The following CNTNAP5 variants were observed in gnomAD, a reference collection of about 807,000 sequenced individuals.
CNTNAP5 encodes the protein contactin-associated protein-like 5.
CNTNAP5 carries 72 observed loss-of-function variants against 150.2 expected under a neutral mutation model. The observed-to-expected ratio is 0.48, with a 90% confidence interval of 0.40 to 0.58. The LOEUF (loss-of-function observed/expected upper bound fraction) is 0.58. Among genes scored for constraint, CNTNAP5 ranks in the 20% least tolerant of loss-of-function variants. The pLI, the probability that CNTNAP5 is intolerant of heterozygous loss-of-function variation, is 0.00. For missense variants in CNTNAP5, 1,636 were observed against 1,626.2 expected, an observed-to-expected ratio of 1.01 and a Z score of -0.10; for synonymous variants, 672 against 619.8, an observed-to-expected ratio of 1.08 and a Z score of -1.25.
chr2:124,061,055 T>C (rs1410534149), intron 1 of CNTNAP5, among the ~76,000 whole-genome samples: 7 of 152,126 alleles, frequency 4.6e-5, no homozygotes, highest in African/African-American at 1.7e-4. Context: ...CTTCCGTTTT[T>C]TTTCTGGAAA....
At chr2:124,139,928 G>T (rs906096857) in intron 1 of CNTNAP5, among the ~76,000 whole-genome samples, 1 of 152,166 alleles carries the variant, frequency 6.6e-6, no homozygotes, top group African/African-American at 2.4e-5. Context: ...GCCAGTGTGT[G>T]CGCGCACCGT....
At chr2:124,605,661 A>G (rs1292157625) in intron 11 of CNTNAP5, among the ~76,000 whole-genome samples, 1 of 151,800 alleles carries the variant, frequency 6.6e-6, no homozygotes, top group East Asian at 1.9e-4. Context: ...CTAAAAACAG[A>G]AAAAATTAGC....
At chr2:124,312,870 A>T (rs1004452055) in intron 3 of CNTNAP5, among the ~76,000 whole-genome samples, 11 of 152,088 alleles carry the variant, frequency 7.2e-5, no homozygotes, top group Non-Finnish European at 1.5e-4. Context: ...AGGCTCGGCC[A>T]ATTTTTGTAT....
At chr2:124,204,752 G>C (rs568597496) in intron 1 of CNTNAP5, among the ~76,000 whole-genome samples, 1 of 152,040 alleles carries the variant, frequency 6.6e-6, no homozygotes, top group African/African-American at 2.4e-5. Context: ...ACTATCATGA[G>C]AGCAGCACAG....
chr2:124,358,471 A>C (rs888465443), intron 3 of CNTNAP5, among the ~76,000 whole-genome samples: 9 of 152,330 alleles, frequency 5.9e-5, no homozygotes, highest in Middle Eastern at 3.4e-3. Context: ...ATTTTGTAAT[A>C]TGTCCCATCA....
intron 17 of CNTNAP5, among the ~76,000 whole-genome samples, chr2:124,782,970 T>C (rs1227034154): frequency 6.6e-6 from 1 of 152,198 alleles, no homozygotes; most frequent in Non-Finnish European, 1.5e-5. Flanking sequence ...ACAGCTTCCT[T>C]TATTAATATG....
At chr2:124,443,907 A>T (rs1485844738) in intron 5 of CNTNAP5, among the ~76,000 whole-genome samples, 1 of 150,482 alleles carries the variant, frequency 6.6e-6, no homozygotes, top group Non-Finnish European at 1.5e-5. Context: ...ATTATTAATA[A>T]ATTTTTGTTC....
At chr2:124,163,839 A>G (rs983889470) in intron 1 of CNTNAP5, among the ~76,000 whole-genome samples, 1 of 146,026 alleles carries the variant, frequency 6.8e-6, no homozygotes, top group Non-Finnish European at 1.5e-5. Flanking sequence ...TTTAACTTCA[A>G]TTATTGCTTC....
At chr2:124,149,049 T>C (rs758986543) in intron 1 of CNTNAP5, among the ~76,000 whole-genome samples, 1 of 152,128 alleles carries the variant, frequency 6.6e-6, no homozygotes, top group Non-Finnish European at 1.5e-5. Context: ...TCCTACAAAA[T>C]GATCAGCAGC....
chr2:124,274,022 T>C (rs1687822668), intron 3 of CNTNAP5, among the ~76,000 whole-genome samples: 2 of 152,166 alleles, frequency 1.3e-5, no homozygotes. Flanking sequence ...AATCACCTCA[T>C]TAAAAAAGCT....
At position 124,149,403 on chromosome 2, in the gene CNTNAP5, CAAAAAAA is replaced by C. The variant is rs71394025; in HGVS notation, c.83-72285_83-72279del. ...ATGTGTTCCAAGATGGCGTCAATTG[CAAAAAAA>C]AAAAAAAAAAAAAAAACTCAGGAAA... is the stretch of plus-strand genomic sequence containing the variant. On this transcript the variant is annotated intron_variant, in intron 1 of 23. Transcript: ENST00000682447. Among the ~76,000 whole-genome samples the C allele has an allele frequency of 3.2e-3, 268 of 82,788 alleles. 1 individual carries two copies. The highest frequency in any genetic ancestry group is 0.013 in the African/African-American group (252 of 20,102). The allele number at this position is 82,788 out of a possible 152,430, so 54.3% of individuals were successfully genotyped here. A position where few individuals can be genotyped will look rare whatever the true frequency, so the allele number is the denominator to read the frequency against.
chr2:124,133,379 T>C (rs1013402915), intron 1 of CNTNAP5, among the ~76,000 whole-genome samples: 1 of 152,212 alleles, frequency 6.6e-6, no homozygotes, highest in African/African-American at 2.4e-5. Context: ...TTTTGCAAAG[T>C]GACTTGCCTT....
chr2:124,259,935 T>C (rs970689580), intron 3 of CNTNAP5, among the ~76,000 whole-genome samples: 2 of 152,086 alleles, frequency 1.3e-5, no homozygotes, highest in Non-Finnish European at 2.9e-5. Flanking sequence ...AAAATGGCCA[T>C]ACTGCCCAAG....
At chr2:124,306,812 C>G (rs183918984) in intron 3 of CNTNAP5, among the ~76,000 whole-genome samples, 1 of 149,438 alleles carries the variant, frequency 6.7e-6, no homozygotes, top group Admixed American at 6.7e-5. Flanking sequence ...ACTGCAACCT[C>G]CGCCTCCCAG....
rs568867102 is a variant in CNTNAP5, at chr2:124,212,507, A to G, written c.83-9198A>G. On this transcript the variant is annotated intron_variant, in intron 1 of 23. Coordinates refer to ENST00000682447, the MANE Select transcript of CNTNAP5 (RefSeq NM_001367498.1). ...CCAGCCACCACTCTTAGCTTCTCCT[A>G]TTCCAGAAACTTCTAATTTTTTTGG... Among the ~76,000 whole-genome samples the G allele has an allele frequency of 3.9e-5, 6 of 152,334 alleles. No individual in the cohort carries two copies. In the East Asian group the frequency reaches 7.7e-4, roughly 20 times the overall value.
At position 124,777,769 on chromosome 2, in the gene CNTNAP5, G is replaced by A. The variant is rs1681356945; in HGVS notation, c.2752+4752G>A. On this transcript the variant is annotated intron_variant, in intron 17 of 23. Transcript: ENST00000682447. ...TGACAATGGACAATTGAAGCAGAAT[G>A]GAGGGATGTGTGTGTGTGTGTGTGT... 2.8e-5 allele frequency among the ~76,000 whole-genome samples: 4 copies of A among 143,448 alleles called. No individual in the cohort carries two copies. The South Asian group carries it at 9.2e-4, about 33-fold the overall frequency. The allele number at this position is 143,448 out of a possible 152,430, so 94.1% of individuals were successfully genotyped here. A position where few individuals can be genotyped will look rare whatever the true frequency, so the allele number is the denominator to read the frequency against.
intron 13 of CNTNAP5, among the ~76,000 whole-genome samples, chr2:124,666,746 C>T (rs1678710157): frequency 6.6e-6 from 1 of 152,140 alleles, no homozygotes; most frequent in African/African-American, 2.4e-5. Context: ...GGCAGCTGGC[C>T]AGTGAGGGCC....
intron 21 of CNTNAP5, among the ~76,000 whole-genome samples, chr2:124,890,433 CT>C (rs1458341925): frequency 6.6e-6 from 1 of 152,062 alleles, no homozygotes; most frequent in African/African-American, 2.4e-5. Flanking sequence ...AGTTTAAGCT[CT>C]CGTTGTCCAG....
intron 3 of CNTNAP5, among the ~76,000 whole-genome samples, chr2:124,259,641 C>G (rs1687402973): frequency 6.6e-6 from 1 of 152,150 alleles, no homozygotes; most frequent in Non-Finnish European, 1.5e-5. Flanking sequence ...TGTCTTTTGG[C>G]TGCATAAATA....
Sources: gnomAD v4.1 joint callset for allele counts (sites outside exome capture counted in the v4.1 genomes callset) on GRCh38, gnomAD v4.1.1 for gene constraint, MANE v1.5 for transcripts, NCBI Gene and HGNC (gene_info 2026-07-23, HGNC 2026-07-21) for gene names.